The following CNIH3 variants were observed in gnomAD, a reference collection of about 807,000 sequenced individuals.
CNIH3 encodes cornichon family AMPA receptor auxiliary protein 3.
A neutral mutation model predicts 24.1 loss-of-function variants in CNIH3; 14 were observed. That is an observed-to-expected ratio of 0.58 (90% CI 0.38 to 0.91). The LOEUF is 0.91. CNIH3 is among the 40% of genes least tolerant of loss of function. CNIH3 has a pLI of 0.00. For missense variants in CNIH3, 178 were observed against 196.8 expected (o/e 0.90, Z 0.57); for synonymous variants, 68 against 73.8 (o/e 0.92, Z 0.40).
At chr1:224,723,305 A>G (rs1350918841) in intron 3 of CNIH3, among the ~76,000 whole-genome samples, 1 of 152,040 alleles carries the variant, frequency 6.6e-6, no homozygotes, top group Non-Finnish European at 1.5e-5. Flanking sequence ...AGCAATGGGC[A>G]GCAGGGGTGC....
chr1:224,689,292 C>T (rs545678278), intron 3 of CNIH3, among the ~76,000 whole-genome samples: 2 of 152,204 alleles, frequency 1.3e-5, no homozygotes, highest in Non-Finnish European at 2.9e-5. Flanking sequence ...TAATATGGTA[C>T]ATCTGGCTCA....
chr1:224,647,262 C>T (rs915337580), intron 1 of CNIH3, among the ~76,000 whole-genome samples: 5 of 152,218 alleles, frequency 3.3e-5, no homozygotes, highest in Non-Finnish European at 7.3e-5. Flanking sequence ...TAATTATAGG[C>T]GTGAGGCACT....
intron 3 of CNIH3, among the ~76,000 whole-genome samples, chr1:224,602,844 T>A (rs1210683509): frequency 6.6e-6 from 1 of 152,186 alleles, no homozygotes; most frequent in Non-Finnish European, 1.5e-5. Flanking sequence ...TAAAGGCTGG[T>A]TAGTAAAGCT....
chr1:224,593,276 A>T (rs74146393), downstream of CNIH3, among the ~76,000 whole-genome samples: 7,204 of 151,192 alleles, frequency 0.048, 572 homozygotes, highest in African/African-American at 0.16. Context: ...CAGCTCAGCC[A>T]CCCAAATAGC....
At chr1:224,496,619 G>A (rs1347168681) in intron 1 of CNIH3, among the ~76,000 whole-genome samples, 5 of 152,158 alleles carry the variant, frequency 3.3e-5, no homozygotes, top group South Asian at 2.1e-4. Flanking sequence ...CAGACAGGTA[G>A]CGACTTATAC....
intron 3 of CNIH3, among the ~76,000 whole-genome samples, chr1:224,559,388 T>C (rs545536999): frequency 2.6e-5 from 4 of 152,202 alleles, no homozygotes; most frequent in Non-Finnish European, 5.9e-5. Flanking sequence ...ACTAAGCTTT[T>C]AGGTCTTGCT....
At chr1:224,442,777 G>A (rs1462229334) in intron 1 of CNIH3, among the ~76,000 whole-genome samples, 1 of 152,176 alleles carries the variant, frequency 6.6e-6, no homozygotes, top group Non-Finnish European at 1.5e-5. Flanking sequence ...CCAGAGCTGT[G>A]TTCTCAACAC....
chr1:224,641,643 C>T (rs79369860), intron 1 of CNIH3, among the ~76,000 whole-genome samples: 5,595 of 152,362 alleles, frequency 0.037, 146 homozygotes, highest in Middle Eastern at 0.075. Context: ...GGTGTGGCCT[C>T]TGCCTAGGCA....
chr1:224,634,622 C>T (rs1362742973), intron 1 of CNIH3, among the ~76,000 whole-genome samples: 1 of 151,836 alleles, frequency 6.6e-6, no homozygotes, highest in African/African-American at 2.4e-5. Flanking sequence ...TGGTGTCTCC[C>T]AGTCAGTGCA....
intron 4 of CNIH3, chr1:224,574,301 C>G (rs922923985): frequency 9.1e-6 from 2 of 219,956 alleles, no homozygotes; most frequent in Non-Finnish European, 1.8e-5. Flanking sequence ...AGTGGCTCCA[C>G]TGTCACAGTA....
chr1:224,656,476 A>G (rs61827149), intron 1 of CNIH3, among the ~76,000 whole-genome samples: 17 of 152,260 alleles, frequency 1.1e-4, no homozygotes, highest in Non-Finnish European at 1.9e-4. Context: ...GAGAACAATG[A>G]CCGGAAAAGT....
chr1:224,565,072 T>G (rs1680525639), intron 3 of CNIH3, among the ~76,000 whole-genome samples: 1 of 152,188 alleles, frequency 6.6e-6, no homozygotes, highest in Admixed American at 6.5e-5. Context: ...TATCACAAGT[T>G]TTCTCAAGAA....
intron 3 of CNIH3, among the ~76,000 whole-genome samples, chr1:224,724,120 G>A (rs2125229443): frequency 6.6e-6 from 1 of 152,332 alleles, no homozygotes; most frequent in Middle Eastern, 3.4e-3. Context: ...AGTTGCTTAT[G>A]TAGCAGAGCC....
At chr1:224,535,838 G>A (rs1033813172) in intron 2 of CNIH3, among the ~76,000 whole-genome samples, 3 of 152,226 alleles carry the variant, frequency 2.0e-5, no homozygotes, top group Non-Finnish European at 4.4e-5. Flanking sequence ...TGGGGACAGC[G>A]GTAGTGTGGC....
At chr1:224,688,069 G>C (rs1265357655) in intron 3 of CNIH3, among the ~76,000 whole-genome samples, 1 of 152,194 alleles carries the variant, frequency 6.6e-6, no homozygotes, top group African/African-American at 2.4e-5. Context: ...ACCTGTAGAT[G>C]TTAGGACCTT....
upstream of CNIH3, among the ~76,000 whole-genome samples, chr1:224,512,921 G>A (rs375180195): frequency 3.9e-5 from 6 of 152,170 alleles, no homozygotes; most frequent in East Asian, 3.8e-4. Context: ...TGGCTCTCCC[G>A]CTTTTGGCCT....
chr1:224,673,400 C>T (rs1404014327), intron 1 of CNIH3, among the ~76,000 whole-genome samples: 2 of 152,192 alleles, frequency 1.3e-5, no homozygotes, highest in African/African-American at 4.8e-5. Context: ...CTGTCTGTCT[C>T]ACTCTCTGGC....
chr1:224,641,916 TC>T (rs1334159034), intron 1 of CNIH3, among the ~76,000 whole-genome samples: 3 of 152,218 alleles, frequency 2.0e-5, no homozygotes, highest in Non-Finnish European at 4.4e-5. Context: ...ATTGGTTTGT[TC>T]CTCATGCATT....
At chr1:224,511,310 A>T (rs931071972), upstream of CNIH3, among the ~76,000 whole-genome samples, 1 of 152,158 alleles carries the variant, frequency 6.6e-6, no homozygotes, top group Non-Finnish European at 1.5e-5. Context: ...TAATCTGTAA[A>T]ATACTCCTCT....
Sources: allele counts gnomAD v4.1 joint callset (sites outside exome capture counted in the v4.1 genomes callset), GRCh38; gene constraint gnomAD v4.1.1; transcripts MANE v1.5; gene names NCBI Gene and HGNC (gene_info 2026-07-23, HGNC 2026-07-21).